The following APAF1 variants were observed in gnomAD, a reference collection of about 807,000 sequenced individuals.
APAF1 encodes the protein apoptotic protease-activating factor 1.
Under a neutral mutation model 152.4 loss-of-function variants are expected in APAF1, and 91 were observed. The ratio of observed to expected loss-of-function variants is 0.60; its 90% CI spans 0.50 to 0.71. The LOEUF is 0.71. Ranked by LOEUF, APAF1 falls within the 30% of genes least tolerant of loss-of-function variation. The pLI, the probability that APAF1 is intolerant of heterozygous loss-of-function variation, is 0.00. For missense variants in APAF1, 1,283 were observed against 1,472.0 expected (o/e 0.87, Z 2.10); for synonymous variants, 484 against 494.1 (o/e 0.98, Z 0.27).
At chr12:98,717,339 A>G (rs747451623) in intron 22 of APAF1, among the ~76,000 whole-genome samples, 16 of 151,242 alleles carry the variant, frequency 1.1e-4, no homozygotes, top group African/African-American at 2.4e-5. Context: ...TATAATATAT[A>G]TATAGAAATT....
rs754547312 is a variant in APAF1, at chr12:98,680,348, A to C, written c.1992A>C (p.Ala664=). The change falls in exon 14 of 27, where the codon GCA becomes GCC. Residue 664 remains alanine, a synonymous_variant. Coordinates refer to ENST00000551964, the MANE Select transcript of APAF1 (RefSeq NM_181861.2). The part of the protein sequence containing the change: ...KAHEDEVLCC[A]FSTDDRFIAT... Reference sequence around the variant, plus strand: ...ATGAGGATGAAGTGCTTTGTTGTGCATTCTCTACAGATGACAGATTTATAG... The same window carrying C: ...ATGAGGATGAAGTGCTTTGTTGTGCCTTCTCTACAGATGACAGATTTATAG... 1 of 1,613,846 alleles carries C rather than the reference A, an allele frequency of 6.2e-7. No homozygotes were observed. The highest frequency in any genetic ancestry group is 8.5e-7 in the Non-Finnish European group (1 of 1,179,936).
rs528765280 is a variant in APAF1 at position 98,653,202 on chromosome 12, C to T, written c.526+3518C>T. Among the ~76,000 whole-genome samples the T allele has an allele frequency of 2.6e-5, 4 of 152,210 alleles. No individual in the cohort carries two copies. In the East Asian group the frequency reaches 7.7e-4, roughly 29 times the overall value. On this transcript the variant is annotated intron_variant, in intron 4 of 26. Transcript: ENST00000551964. ...TTAATCTCTGGAGTTCACTTCCATT[C>T]TCAAATACAGGAACATTGGATTTTT... is the stretch of plus-strand genomic sequence containing the variant.
Position 98,703,382 on chromosome 12 carries a change from T to C in APAF1, c.2478T>C (p.Ile826=). The C allele has an allele frequency of 1.9e-6, 3 of 1,614,164 alleles. No individual in the cohort carries two copies. The highest frequency in any genetic ancestry group is 2.5e-6 in the Non-Finnish European group (3 of 1,179,990). ...ATTTATGTTGACAGCTTTTTGACAT[T>C]CATACTAGTGGCCTATTGGGAGAAA... ...AAKNKIFLFD[I]HTSGLLGEIH... The change falls in exon 18 of 27, where the codon ATT becomes ATC. Residue 826 remains isoleucine, a synonymous_variant. Transcript: ENST00000551964.
rs1347398339 is a variant in APAF1 at position 98,648,305 on chromosome 12, T to G, written c.-41-14T>G. 3.1e-6 allele frequency: 5 copies of G among 1,599,466 alleles called. No homozygotes were observed. Among genetic ancestry groups the G allele is most frequent in the Non-Finnish European group, 4.3e-6 (5 of 1,167,204 alleles). Reference sequence around the variant, plus strand: ...TTTATTGGCCTGACAAATATTTTGGTGTTTTGGCTGTAGCTCATGGTTGAC... The same window carrying G: ...TTTATTGGCCTGACAAATATTTTGGGGTTTTGGCTGTAGCTCATGGTTGAC... On this transcript the variant is annotated splice_polypyrimidine_tract_variant and intron_variant, in intron 1 of 26. Coordinates refer to ENST00000551964, the MANE Select transcript of APAF1 (RefSeq NM_181861.2).
intron 13 of APAF1, among the ~76,000 whole-genome samples, chr12:98,679,783 C>A (rs2097690422): frequency 6.6e-6 from 1 of 152,256 alleles, no homozygotes; most frequent in African/African-American, 2.4e-5. Flanking sequence ...GAGCCAGAGC[C>A]CATGCTGGCA....
rs751071524 is a variant in APAF1, at chr12:98,648,426, T to C, written c.67T>C (p.Ser23Pro). ...AGCTCTGGAAAAGGACATCAAGACA[T>C]CCTACATCATGGATCACATGATTAG... ...REALEKDIKTSYIMDHMISDG... is the reference protein window; with the variant it reads ...REALEKDIKTPYIMDHMISDG... The change falls in exon 2 of 27, where the codon TCC becomes CCC. Residue 23 changes from serine to proline, a missense_variant. Coordinates refer to ENST00000551964, the MANE Select transcript of APAF1 (RefSeq NM_181861.2). 1 of 1,613,924 alleles carries C rather than the reference T, an allele frequency of 6.2e-7. No individual in the cohort carries two copies.
At chr12:98,705,637 TTAGAG>T (rs1168982910) in intron 18 of APAF1, among the ~76,000 whole-genome samples, 1 of 152,180 alleles carries the variant, frequency 6.6e-6, no homozygotes, top group African/African-American at 2.4e-5. Context: ...CTTGAATATA[TTAGAG>T]TAATTTACAG....
intron 20 of APAF1, among the ~76,000 whole-genome samples, chr12:98,709,689 T>C (rs1460119981): frequency 6.6e-6 from 1 of 152,078 alleles, no homozygotes; most frequent in Non-Finnish European, 1.5e-5. Flanking sequence ...TGTCAGCATG[T>C]GGAGCTGACA....
rs769952075 is a variant in APAF1, at chr12:98,725,455, G to C, written c.3371G>C (p.Arg1124Thr). Residue 1124 changes from arginine to threonine, a missense_variant, in exon 25 of 27, where the codon AGG becomes ACG. Arg to Thr is a moderately conservative substitution (Grantham distance 71). Transcript: ENST00000551964. ...CTCCTTTTGCCACTTCATGAATTGA[G>C]GGGCCACAACGGCTGTGTGCGCTGC... is the stretch of plus-strand genomic sequence containing the variant. ...FDLLLPLHEL[R>T]GHNGCVRCSA... 96 of 1,614,012 alleles carry C rather than the reference G, an allele frequency of 5.9e-5. No individual in the cohort carries two copies. The highest frequency in any genetic ancestry group is 7.9e-5 in the Non-Finnish European group (93 of 1,180,030).
intron 12 of APAF1, among the ~76,000 whole-genome samples, chr12:98,672,531 C>A (rs1003033789): frequency 9.2e-5 from 14 of 151,748 alleles, no homozygotes; most frequent in Admixed American, 1.3e-4. Context: ...ACATATAGTC[C>A]TTATTAAATG....
chr12:98,661,505 T>G (rs1232930047), intron 5 of APAF1, among the ~76,000 whole-genome samples: 1 of 152,116 alleles, frequency 6.6e-6, no homozygotes, highest in Admixed American at 6.6e-5. Flanking sequence ...AGATGGAGTT[T>G]CGCTCTTGTT....
At chr12:98,702,668 T>TA (rs1342170463) in intron 17 of APAF1, among the ~76,000 whole-genome samples, 2 of 151,060 alleles carry the variant, frequency 1.3e-5, no homozygotes, top group Non-Finnish European at 3.0e-5. Context: ...CTACTAAAAA[T>TA]AAAAAAATTA....
At chr12:98,727,900 C>T (rs1204876038) in intron 26 of APAF1, among the ~76,000 whole-genome samples, 5 of 151,514 alleles carry the variant, frequency 3.3e-5, no homozygotes, top group African/African-American at 1.2e-4. Context: ...GAGATCACAC[C>T]ATTGCACTGC....
chr12:98,693,738 A>G (rs2097706800), intron 16 of APAF1, among the ~76,000 whole-genome samples: 2 of 150,338 alleles, frequency 1.3e-5, no homozygotes, highest in Admixed American at 6.6e-5. Context: ...CTTCCTTACC[A>G]TCATCCTAGG....
chr12:98,645,705 G>T lies in APAF1; in HGVS notation c.-172G>T, dbSNP rs966534951. On this transcript the variant is annotated 5_prime_UTR_variant, in exon 1 of 27. Coordinates refer to ENST00000551964, the MANE Select transcript of APAF1 (RefSeq NM_181861.2). ...TGCCCCGGGGCGAAGGGTATGTGGC[G>T]AGACAGAGCCCTGCACCCCTAATTC... 2.0e-5 allele frequency: 3 copies of T among 152,372 alleles called. No individual in the cohort carries two copies. The highest frequency in any genetic ancestry group is 7.2e-5 in the African/African-American group (3 of 41,478). 9.4% of individuals were successfully genotyped at this position (152,372 alleles called of 1,614,324 possible). A position where few individuals can be genotyped will look rare whatever the true frequency, so the allele number is the denominator to read the frequency against.
chr12:98,666,640 G>A (rs1030270236), intron 9 of APAF1, among the ~76,000 whole-genome samples: 4 of 151,716 alleles, frequency 2.6e-5, no homozygotes, highest in African/African-American at 4.9e-5. Context: ...ATTTTTTTCC[G>A]TCTCCTCAAA....
intron 22 of APAF1, among the ~76,000 whole-genome samples, chr12:98,718,766 C>A (rs533452632): frequency 6.6e-6 from 1 of 152,120 alleles, no homozygotes; most frequent in South Asian, 2.1e-4. Context: ...GAGACCCCAT[C>A]TCTGCAAAAC....
Position 98,648,782 on chromosome 12 carries a change from G to A in APAF1, c.295G>A (p.Gly99Ser), listed in dbSNP as rs2097645453. The A allele has an allele frequency of 1.9e-6, 3 of 1,613,848 alleles. No homozygotes were observed. The highest frequency in any genetic ancestry group is 2.7e-5 in the African/African-American group (2 of 74,906). The change falls in exon 3 of 27, where the codon GGT becomes AGT. Residue 99 changes from glycine to serine, a missense_variant. Gly to Ser is a moderately conservative substitution (Grantham distance 56, BLOSUM62 0). Coordinates refer to ENST00000551964, the MANE Select transcript of APAF1 (RefSeq NM_181861.2). The part of the protein sequence containing the change: ...DGIPVVSSSS[G>S]KDSVSGITSY... ...CATTCCTGTTGTCTCTTCTTCCAGT[G>A]GTAAAGATTCAGTTAGTGGAATAAC...
intron 4 of APAF1, among the ~76,000 whole-genome samples, chr12:98,654,737 T>TA (rs1565856103): frequency 2.6e-5 from 4 of 151,780 alleles, no homozygotes; most frequent in African/African-American, 9.7e-5. Context: ...AGTACAAATT[T>TA]AAAAAAATGG....
Sources: gnomAD v4.1 joint callset for allele counts (sites outside exome capture counted in the v4.1 genomes callset) on GRCh38, gnomAD v4.1.1 for gene constraint, MANE v1.5 for transcripts, NCBI Gene and HGNC (gene_info 2026-07-23, HGNC 2026-07-21) for gene names.